NCOA1: variants seen among roughly 807,000 people sequenced by gnomAD.
The protein encoded by NCOA1 is Hin-2 protein.
In NCOA1, 35 loss-of-function variants were observed where a neutral mutation model predicts 150.9. The ratio of observed to expected loss-of-function variants is 0.23; its 90% CI spans 0.18 to 0.31. The LOEUF is 0.31. Among genes scored for constraint, NCOA1 ranks in the 10% least tolerant of loss-of-function variants. The pLI, the probability that NCOA1 is intolerant of heterozygous loss-of-function variation, is 1.00. For synonymous variants in NCOA1, 590 were observed against 630.0 expected (o/e 0.94, Z 0.95); for missense variants, 1,491 against 1,749.3 (o/e 0.85, Z 2.63).
At chr2:24,552,343 ATATATATATATTTTTTTTTTT>A (rs1665877606) in intron 1 of NCOA1, among the ~76,000 whole-genome samples, 1 of 28,852 alleles carries the variant, frequency 3.5e-5, no homozygotes, top group Non-Finnish European at 6.0e-5. Context: ...ATATATATAT[ATATATATATATTTTTTTTTTT>A]TTTTTTTTTT....
At position 24,697,761 on chromosome 2, in the gene NCOA1, CAGAGA is replaced by C; in HGVS notation, c.914_918del (p.Arg305ThrfsTer23). On this transcript the variant is annotated frameshift_variant, in exon 11 of 23. Coordinates refer to ENST00000348332, the MANE Select transcript of NCOA1 (RefSeq NM_003743.5). LOFTEE classifies it high-confidence loss of function. ...TTTATGCTTTTTTCCAACCTCAGGG[CAGAGA>C]ACCATCTTATGCCAGACAGCTGTTC... The C allele has an allele frequency of 6.2e-7, 1 of 1,613,860 alleles. No individual in the cohort carries two copies. The highest frequency in any genetic ancestry group is 8.5e-7 in the Non-Finnish European group (1 of 1,179,812).
At chr2:24,622,256 C>T (rs1366464944) in intron 3 of NCOA1, among the ~76,000 whole-genome samples, 1 of 152,108 alleles carries the variant, frequency 6.6e-6, no homozygotes, top group Non-Finnish European at 1.5e-5. Flanking sequence ...ACCACTGTTT[C>T]TCAACAACAG....
chr2:24,504,437 A>T (rs959536317), intron 1 of NCOA1, among the ~76,000 whole-genome samples: 1 of 152,252 alleles, frequency 6.6e-6, no homozygotes, highest in Non-Finnish European at 1.5e-5. Context: ...GTGGGTAAGA[A>T]CATGAATATT....
intron 3 of NCOA1, among the ~76,000 whole-genome samples, chr2:24,631,075 C>A (rs1440725093): frequency 6.6e-6 from 1 of 152,000 alleles, no homozygotes; most frequent in Non-Finnish European, 1.5e-5. Flanking sequence ...TTATTAAAAT[C>A]TTGCATTTTT....
At chr2:24,608,869 C>T (rs1668498737) in intron 3 of NCOA1, among the ~76,000 whole-genome samples, 1 of 151,906 alleles carries the variant, frequency 6.6e-6, no homozygotes, top group African/African-American at 2.4e-5. Flanking sequence ...GGAGTACTGG[C>T]CAGATATTCT....
At chr2:24,665,948 G>C (rs771873324) in intron 6 of NCOA1, 33 bp downstream of exon 6, 1 of 1,314,080 alleles carries the variant, frequency 7.6e-7, no homozygotes, top group African/African-American at 1.5e-5. Context: ...ATGGCTGTGT[G>C]CTTTGTTATT....
At position 24,665,956 on chromosome 2, in the gene NCOA1, A is replaced by G. The variant is rs375706023; in HGVS notation, c.256+41A>G. On this transcript the variant is annotated intron_variant, in intron 6 of 22. Coordinates refer to ENST00000348332, the MANE Select transcript of NCOA1 (RefSeq NM_003743.5). ...AAAACCCATGGCTGTGTGCTTTGTT[A>G]TTAAGACATTTATAATATGTGATTT... The G allele has an allele frequency of 1.8e-5, 22 of 1,225,772 alleles. 1 individual carries two copies. The East Asian group carries it at 2.3e-4, about 13-fold the overall frequency. 75.9% of individuals were successfully genotyped at this position (1,225,772 alleles called of 1,614,324 possible).
Position 24,706,947 on chromosome 2 carries a change from G to A in NCOA1, c.1477G>A (p.Val493Ile). The A allele has an allele frequency of 6.2e-7, 1 of 1,614,132 alleles. No homozygotes were observed. Among genetic ancestry groups the A allele is most frequent in the Non-Finnish European group, 8.5e-7 (1 of 1,180,020 alleles). The change falls in exon 13 of 23, where the codon GTT becomes ATT. Residue 493 changes from valine to isoleucine, a missense_variant. Transcript: ENST00000348332. ...LAQFMSPRRQVTSGLATRPRM... is the reference protein window; with the variant it reads ...LAQFMSPRRQITSGLATRPRM... ...ACAGTTCATGTCTCCAAGGAGACAG[G>A]TTACTTCTGGATTGGCAACAAGGCC... is the stretch of plus-strand genomic sequence containing the variant.
intron 13 of NCOA1, among the ~76,000 whole-genome samples, chr2:24,709,721 T>C (rs1373883862): frequency 1.3e-5 from 2 of 152,242 alleles, no homozygotes; most frequent in East Asian, 3.8e-4. Flanking sequence ...ACAAAAGACA[T>C]GTTCACAAAT....
At position 24,707,842 on chromosome 2, in the gene NCOA1, T is replaced by G. The variant is rs1404712031; in HGVS notation, c.2372T>G (p.Met791Arg). 1 of 1,611,790 alleles carries G rather than the reference T, an allele frequency of 6.2e-7. No individual in the cohort carries two copies. The highest frequency in any genetic ancestry group is 8.5e-7 in the Non-Finnish European group (1 of 1,179,506). The change falls in exon 13 of 23, where the codon ATG becomes AGG. Residue 791 changes from methionine (M) to arginine (R), a missense_variant. Coordinates refer to ENST00000348332, the MANE Select transcript of NCOA1 (RefSeq NM_003743.5). ...CCATGTAATACAAACCCAACCCCAA[T>G]GACCAAACCCACTCCTGAGGAAATA... ...MDPCNTNPTPMTKPTPEEIKL... is the reference protein window; with the variant it reads ...MDPCNTNPTPRTKPTPEEIKL...
rs780799672 is a variant in NCOA1 at position 24,768,179 on chromosome 2, G to A, written c.4156-42G>A. 9 of 1,613,332 alleles carry A rather than the reference G, an allele frequency of 5.6e-6. No homozygotes were observed. In the Admixed American group the frequency reaches 1.3e-4, roughly 24 times the overall value. Reference sequence around the variant, plus strand: ...TAGTACCCACTCATAAGCCGGGGGGGCAGACCCTTCTGTCTAAACACATCT... The same window carrying A: ...TAGTACCCACTCATAAGCCGGGGGGACAGACCCTTCTGTCTAAACACATCT... On this transcript the variant is annotated intron_variant, in intron 22 of 22. Coordinates refer to ENST00000348332, the MANE Select transcript of NCOA1 (RefSeq NM_003743.5).
intron 3 of NCOA1, among the ~76,000 whole-genome samples, chr2:24,625,430 G>A (rs970339253): frequency 1.3e-5 from 2 of 150,862 alleles, no homozygotes; most frequent in African/African-American, 4.9e-5. Context: ...ATGAACTGGG[G>A]ATTTAAAAAT....
chr2:24,620,502 G>C (rs1330040109), intron 3 of NCOA1, among the ~76,000 whole-genome samples: 2 of 152,176 alleles, frequency 1.3e-5, no homozygotes, highest in African/African-American at 4.8e-5. Context: ...TACTTGGGAA[G>C]GCTGAGGCAG....
intron 1 of NCOA1, among the ~76,000 whole-genome samples, chr2:24,496,492 C>G (rs1663220361): frequency 6.6e-6 from 1 of 152,184 alleles, no homozygotes; most frequent in Admixed American, 6.5e-5. Context: ...AAAACAGCAT[C>G]AAAGCTGGTA....
intron 3 of NCOA1, among the ~76,000 whole-genome samples, chr2:24,630,650 G>A (rs949895689): frequency 1.3e-5 from 2 of 152,086 alleles, no homozygotes; most frequent in Non-Finnish European, 2.9e-5. Context: ...CCAACATAAT[G>A]CAGTTATGTC....
intron 7 of NCOA1, among the ~76,000 whole-genome samples, chr2:24,679,908 A>C (rs1284351683): frequency 6.6e-6 from 1 of 152,228 alleles, no homozygotes; most frequent in Non-Finnish European, 1.5e-5. Flanking sequence ...AAATATTAGC[A>C]ATATTTTAAA....
intron 1 of NCOA1, among the ~76,000 whole-genome samples, chr2:24,510,294 G>T (rs754191315): frequency 6.6e-6 from 1 of 152,142 alleles, no homozygotes. Context: ...TAAGTGATCC[G>T]CCTTGGCCTC....
chr2:24,738,538 G>C (rs1285060489), intron 17 of NCOA1, among the ~76,000 whole-genome samples: 1 of 152,066 alleles, frequency 6.6e-6, no homozygotes, highest in Non-Finnish European at 1.5e-5. Context: ...TTCCAAACCA[G>C]TATTCACAGA....
chr2:24,754,750 A>C (rs1423173883), intron 20 of NCOA1, among the ~76,000 whole-genome samples: 1 of 152,234 alleles, frequency 6.6e-6, no homozygotes, highest in African/African-American at 2.4e-5. Context: ...GAGCATCATA[A>C]GAGCAAGGAC....
Sources: allele counts gnomAD v4.1 joint callset (sites outside exome capture counted in the v4.1 genomes callset), GRCh38; gene constraint gnomAD v4.1.1; transcripts MANE v1.5; gene names NCBI Gene and HGNC (gene_info 2026-07-23, HGNC 2026-07-21).